Variants in WNT4 observed in about 807,000 individuals in gnomAD.
The protein encoded by WNT4 is protein Wnt-4.
In WNT4, 16 loss-of-function variants were observed where a neutral mutation model predicts 34.5. That is an observed-to-expected ratio of 0.46 (90% confidence interval 0.31 to 0.70). The LOEUF (loss-of-function observed/expected upper bound fraction) is 0.70. Ranked by LOEUF, WNT4 falls within the 30% of genes least tolerant of loss-of-function variation. The pLI is 0.04. For synonymous variants in WNT4, 200 were observed against 211.9 expected (o/e 0.94, Z 0.49); for missense variants, 379 against 495.9 (o/e 0.76, Z 2.24).
intron 2 of WNT4, among the ~76,000 whole-genome samples, chr1:22,128,061 T>C (rs961531194): frequency 3.3e-5 from 5 of 152,222 alleles, no homozygotes; most frequent in African/African-American, 7.2e-5. Context: ...GCAGCCCTGT[T>C]ATCCTGGGAG....
rs1415252628 is a variant in WNT4 at position 22,139,456 on chromosome 1, ATCTCAAAG to A, written c.77+3382_77+3389del. Among the ~76,000 whole-genome samples the A allele has an allele frequency of 4.6e-5, 7 of 152,070 alleles. No homozygotes were observed. The highest frequency in any genetic ancestry group is 1.7e-4 in the African/African-American group (7 of 41,402). ...GCTGGGCAGGGCAGAGCTCGGTTGG[ATCTCAAAG>A]ACCCACTTCTTGGCCATGCCGCCGG... On this transcript the variant is annotated intron_variant, in intron 1 of 4. Coordinates refer to ENST00000290167, the MANE Select transcript of WNT4 (RefSeq NM_030761.5). The surrounding 1 kb of genome is among the most constrained non-coding windows in gnomAD (Gnocchi z 4.6).
rs1353353749 is a variant in WNT4, at chr1:22,117,953, CA to C, written c.*2096del. The stretch of plus-strand genomic sequence containing the variant: ...CTTAGTAGACAGCTGAACAGCCAGC[CA>C]GGGGAGCAGCGGACCCAGCTGGGCA... On this transcript the variant is annotated 3_prime_UTR_variant, in exon 5 of 5. Transcript: ENST00000290167. 2.0e-5 allele frequency: 3 copies of C among 152,246 alleles called. No homozygotes were observed. Among genetic ancestry groups the C allele is most frequent in the African/African-American group, 4.8e-5 (2 of 41,436 alleles). 9.4% of individuals were successfully genotyped at this position (152,246 alleles called of 1,614,324 possible). A position where few individuals can be genotyped will look rare whatever the true frequency, so the allele number is the denominator to read the frequency against.
intron 1 of WNT4, among the ~76,000 whole-genome samples, chr1:22,141,732 C>A (rs776669651): frequency 6.6e-6 from 1 of 152,196 alleles, no homozygotes; most frequent in Non-Finnish European, 1.5e-5. Flanking sequence ...CCACAATGAC[C>A]TCATAGCAAC....
Position 22,134,748 on chromosome 1 carries a change from G to A in WNT4, c.78-4897C>T, listed in dbSNP as rs536627610. Among the ~76,000 whole-genome samples, 1 of 152,256 alleles carries A rather than the reference G, an allele frequency of 6.6e-6. No homozygotes were observed. Among genetic ancestry groups the A allele is most frequent in the Admixed American group, 6.5e-5 (1 of 15,298 alleles). The stretch of plus-strand genomic sequence containing the variant: ...CACCTTCAAGATGCTCACTGTCATC[G>A]GTGCCGTCACCACCCCTCCCACAGC... On this transcript the variant is annotated intron_variant, in intron 1 of 4. Coordinates refer to ENST00000290167, the MANE Select transcript of WNT4 (RefSeq NM_030761.5). The surrounding 1 kb of genome is among the most constrained non-coding windows in gnomAD (Gnocchi z 4.1).
At position 22,120,152 on chromosome 1, in the gene WNT4, C is replaced by A; in HGVS notation, c.954G>T (p.Ala318=). Residue 318 remains alanine (A), a synonymous_variant, in exon 5 of 5, where the codon GCG becomes GCT. Coordinates refer to ENST00000290167, the MANE Select transcript of WNT4 (RefSeq NM_030761.5). ...TGCAGCGTTCAGCCAGCTCCACCTGCGCCGTGTGGAAGCCGCGGCCACAGC... is the reference window on the plus strand; with the variant it reads ...TGCAGCGTTCAGCCAGCTCCACCTGAGCCGTGTGGAAGCCGCGGCCACAGC... ...LLCCGRGFHT[A]QVELAERCSC... The A allele has an allele frequency of 1.2e-6, 2 of 1,613,484 alleles. No homozygotes were observed. The highest frequency in any genetic ancestry group is 1.7e-6 in the Non-Finnish European group (2 of 1,179,884).
chr1:22,124,145 G>A lies in WNT4; in HGVS notation c.314-2569C>T, dbSNP rs1000045185. Among the ~76,000 whole-genome samples, 3 of 152,228 alleles carry A rather than the reference G, an allele frequency of 2.0e-5. No homozygotes were observed. In the East Asian group the frequency reaches 5.8e-4, roughly 29 times the overall value. On this transcript the variant is annotated intron_variant, in intron 2 of 4. Transcript: ENST00000290167. Reference sequence around the variant, plus strand: ...TCCTCAGGGGCCACTCAGATATAGAGAAAGAACTGTAGTCCACCTGGGCAG... The same window carrying A: ...TCCTCAGGGGCCACTCAGATATAGAAAAAGAACTGTAGTCCACCTGGGCAG...
At chr1:22,120,562 G>T in intron 4 of WNT4, 45 bp from the exon 5 acceptor site, 1 of 1,562,816 alleles carries the variant, frequency 6.4e-7, no homozygotes, top group South Asian at 1.2e-5. Context: ...AGATGGCAAG[G>T]GAAGGCAGGG....
At chr1:22,121,693 G>C in intron 2 of WNT4, 117 bp from the exon 3 acceptor site, 2 of 1,489,998 alleles carry the variant, frequency 1.3e-6, no homozygotes, top group Non-Finnish European at 1.8e-6. Context: ...GAGGGAGCAA[G>C]ACAGGCAGAA....
At position 22,139,769 on chromosome 1, in the gene WNT4, G is replaced by T. The variant is rs961162876; in HGVS notation, c.77+3077C>A. Among the ~76,000 whole-genome samples, 4 of 152,194 alleles carry T rather than the reference G, an allele frequency of 2.6e-5. No individual in the cohort carries two copies. The highest frequency in any genetic ancestry group is 5.9e-5 in the Non-Finnish European group (4 of 68,036). ...TCAGTGCAGGGAAGAGGGGACATTA[G>T]AAACATTTCTGAGCTCAGGTCCGTG... On this transcript the variant is annotated intron_variant, in intron 1 of 4. Transcript: ENST00000290167. This position sits in a 1 kb window ranked among gnomAD's most constrained non-coding sequence, Gnocchi z 4.6.
intron 2 of WNT4, 117 bp downstream of exon 2, chr1:22,129,498 TG>T: frequency 8.1e-7 from 1 of 1,241,818 alleles, no homozygotes; most frequent in Non-Finnish European, 1.1e-6. Flanking sequence ...GGTCCTGTGC[TG>T]GTTTTGCTTC....
rs1474710661 is a variant in WNT4 at position 22,118,422 on chromosome 1, C to T, written c.*1628G>A. On this transcript the variant is annotated 3_prime_UTR_variant, in exon 5 of 5. Coordinates refer to ENST00000290167, the MANE Select transcript of WNT4 (RefSeq NM_030761.5). Reference sequence around the variant, plus strand: ...ATCTGAGAAGCAGATGGGTCAAGGGCAAGGTCTTGATCCATGCATGTCCTT... The same window carrying T: ...ATCTGAGAAGCAGATGGGTCAAGGGTAAGGTCTTGATCCATGCATGTCCTT... 1 of 152,216 alleles carries T rather than the reference C, an allele frequency of 6.6e-6. No homozygotes were observed. The highest frequency in any genetic ancestry group is 1.5e-5 in the Non-Finnish European group (1 of 68,052). 9.4% of individuals were successfully genotyped at this position (152,216 alleles called of 1,614,324 possible).
In WNT4 at chr1:22,129,863, G is replaced by T. The variant is rs542939145; in HGVS notation, c.78-12C>A. The T allele has an allele frequency of 8.3e-5, 134 of 1,613,026 alleles. No individual in the cohort carries two copies. Among genetic ancestry groups the T allele is most frequent in the Non-Finnish European group, 1.1e-4 (127 of 1,179,890 alleles). On this transcript the variant is annotated splice_polypyrimidine_tract_variant and intron_variant, in intron 1 of 4. Transcript: ENST00000290167. ...GCTTGGCCAGGTACCTGGGGAGAGG[G>T]TGACACGTGATGCAGAGCCCACCTC...
Position 22,130,746 on chromosome 1 carries a change from A to T in WNT4, c.78-895T>A, listed in dbSNP as rs186370377. 3.3e-5 allele frequency among the ~76,000 whole-genome samples: 5 copies of T among 152,330 alleles called. No individual in the cohort carries two copies. In the East Asian group the frequency reaches 9.6e-4, roughly 29 times the overall value. ...ACCTGGAGCAAGAGGGATCTGTGTGAGAGATGGCCTGACACTGGCCCGAGG... is the reference window on the plus strand; with the variant it reads ...ACCTGGAGCAAGAGGGATCTGTGTGTGAGATGGCCTGACACTGGCCCGAGG... On this transcript the variant is annotated intron_variant, in intron 1 of 4. Coordinates refer to ENST00000290167, the MANE Select transcript of WNT4 (RefSeq NM_030761.5).
Position 22,121,471 on chromosome 1 carries a change from C to G in WNT4, c.419G>C (p.Arg140Thr). ...CTGTGGGCTGACCCCATGCACTGTC[C>G]TGTCACAGCCGCACTTCTCCAGCTC... Reference protein sequence around the residue: ...SGELEKCGCDRTVHGVSPQGF... With the variant: ...SGELEKCGCDTTVHGVSPQGF... Residue 140 changes from arginine to threonine, a missense_variant, in exon 3 of 5, where the codon AGG becomes ACG. Transcript: ENST00000290167. 6.2e-7 allele frequency: 1 copy of G among 1,614,064 alleles called. No individual in the cohort carries two copies.
chr1:22,139,186 G>A lies in WNT4; in HGVS notation c.77+3660C>T, dbSNP rs186111351. Among the ~76,000 whole-genome samples, 2 of 152,286 alleles carry A rather than the reference G, an allele frequency of 1.3e-5. No homozygotes were observed. The highest frequency in any genetic ancestry group is 2.1e-4 in the South Asian group (1 of 4,830). On this transcript the variant is annotated intron_variant, in intron 1 of 4. Transcript: ENST00000290167. This position sits in a 1 kb window ranked among gnomAD's most constrained non-coding sequence, Gnocchi z 4.6. ...CTTGGGAGCAGCAGCCTGAAGGCCCGTTTTCTCCACCACCCCTATCAATAG... is the reference window on the plus strand; with the variant it reads ...CTTGGGAGCAGCAGCCTGAAGGCCCATTTTCTCCACCACCCCTATCAATAG...
In WNT4 at chr1:22,118,352, C is replaced by T. The variant is rs999851995; in HGVS notation, c.*1698G>A. 1 of 152,246 alleles carries T rather than the reference C, an allele frequency of 6.6e-6. No individual in the cohort carries two copies. The highest frequency in any genetic ancestry group is 1.5e-5 in the Non-Finnish European group (1 of 68,064). The allele number at this position is 152,246 out of a possible 1,614,324, so 9.4% of individuals were successfully genotyped here. The stretch of plus-strand genomic sequence containing the variant: ...CTTAGAGCCCCAGTGTGGGGGCAGT[C>T]TGGAAAGTGGGCTTACAGCAACTTC... On this transcript the variant is annotated 3_prime_UTR_variant, in exon 5 of 5. Transcript: ENST00000290167.
chr1:22,127,261 G>T, intron 2 of WNT4: 1 of 513,488 alleles, frequency 1.9e-6, no homozygotes, highest in East Asian at 5.7e-5. Flanking sequence ...AGGCCTAGTA[G>T]GAATCTCAGT....
At chr1:22,138,917 C>T (rs1255310173) in intron 1 of WNT4, among the ~76,000 whole-genome samples, 3 of 152,194 alleles carry the variant, frequency 2.0e-5, no homozygotes, top group Admixed American at 6.5e-5. Context: ...GGCCGGAAGT[C>T]GCACACCAGT....
At chr1:22,132,630 C>G (rs190864287) in intron 1 of WNT4, among the ~76,000 whole-genome samples, 2 of 152,188 alleles carry the variant, frequency 1.3e-5, no homozygotes, top group Non-Finnish European at 2.9e-5. Context: ...TGCATCCCCC[C>G]ACCCAGGCTC....
Sources: gnomAD v4.1 joint callset for allele counts (sites outside exome capture counted in the v4.1 genomes callset) on GRCh38, gnomAD v4.1.1 for gene constraint, Gnocchi (gnomAD v3.1) non-coding constraint, MANE v1.5 for transcripts, NCBI Gene and HGNC (gene_info 2026-07-23, HGNC 2026-07-21) for gene names.